INSL3: variants seen among roughly 807,000 people sequenced by gnomAD.
INSL3 encodes the protein insulin-like 3.
In INSL3, 6 loss-of-function variants were observed where a neutral mutation model predicts 5.5. The ratio of observed to expected loss-of-function variants is 1.08; its 90% CI spans 0.59 to 2.14. The LOEUF (loss-of-function observed/expected upper bound fraction) is 2.14, where lower values mean the gene tolerates loss of function less well. Ranked by LOEUF, INSL3 falls within the 30% of genes most tolerant of loss-of-function variation. INSL3 has a pLI of 0.00. For missense variants in INSL3, 178 were observed against 184.7 expected (o/e 0.96, Z 0.21); for synonymous variants, 86 against 82.1 (o/e 1.05, Z -0.26).
At position 17,816,721 on chromosome 19, in the gene INSL3, T is replaced by G; in HGVS notation, c.*133A>C. The G allele has an allele frequency of 2.5e-6, 2 of 807,166 alleles. No individual in the cohort carries two copies. The highest frequency in any genetic ancestry group is 4.1e-6 in the Non-Finnish European group (2 of 486,874). The allele number at this position is 807,166 out of a possible 1,614,324, so 50.0% of individuals were successfully genotyped here. ...GCAGGTGGCATTGGTCTGGGGTAGA[T>G]AGTGAGCACCCATCCCAGGAGGTAA... On this transcript the variant is annotated 3_prime_UTR_variant, in exon 2 of 2. Transcript: ENST00000317306.
At position 17,816,918 on chromosome 19, in the gene INSL3, G is replaced by A. The variant is rs1420292863; in HGVS notation, c.332C>T (p.Pro111Leu). ...GCCACTGAGGCAGCAGTAGCGTGCA[G>A]GGTTGGTGGCAGCTGCACGGTGGTG... ...HRHHRAAATN[P>L]ARYCCLSGCT... is the part of the protein sequence containing the mutation. The change falls in exon 2 of 2, where the codon CCT (proline) becomes CTT (leucine). Residue 111 changes from proline (P) to leucine (L), a missense_variant. Pro to Leu is a moderately conservative substitution (Grantham distance 98). Coordinates refer to ENST00000317306, the MANE Select transcript of INSL3 (RefSeq NM_005543.4). 2 of 1,614,024 alleles carry A rather than the reference G, an allele frequency of 1.2e-6. No individual in the cohort carries two copies. Among genetic ancestry groups the A allele is most frequent in the African/African-American group, 2.7e-5 (2 of 74,932 alleles).
At chr19:17,817,521 C>T (rs2094189685) in intron 1 of INSL3, among the ~76,000 whole-genome samples, 1 of 147,256 alleles carries the variant, frequency 6.8e-6, no homozygotes, top group African/African-American at 2.5e-5. Flanking sequence ...TGGCCCGGCT[C>T]AGTGGCTCAC....
In INSL3 at chr19:17,816,613, G is replaced by A; in HGVS notation, c.*241C>T. The A allele has an allele frequency of 1.7e-6, 1 of 578,858 alleles. No homozygotes were observed. Among genetic ancestry groups the A allele is most frequent in the Non-Finnish European group, 3.1e-6 (1 of 322,408 alleles). 35.9% of individuals were successfully genotyped at this position (578,858 alleles called of 1,614,324 possible). A position where few individuals can be genotyped will look rare whatever the true frequency, so the allele number is the denominator to read the frequency against. ...TCCCCTGGAGTGAGGACATTTGGCT[G>A]TCAGTGTCCAGCATCTGTGAAAGCG... On this transcript the variant is annotated 3_prime_UTR_variant, in exon 2 of 2. Transcript: ENST00000317306.
chr19:17,818,151 C>A (rs1330086057), intron 1 of INSL3, among the ~76,000 whole-genome samples: 1 of 152,072 alleles, frequency 6.6e-6, no homozygotes, highest in African/African-American at 2.4e-5. Flanking sequence ...ACACACACAC[C>A]CCTACGAGGA....
rs2094188550 is a variant in INSL3, at chr19:17,816,921, T to C, written c.329A>G (p.Asn110Ser). 2.5e-6 allele frequency: 4 copies of C among 1,613,778 alleles called. No individual in the cohort carries two copies. Among genetic ancestry groups the C allele is most frequent in the Non-Finnish European group, 3.4e-6 (4 of 1,179,982 alleles). Reference sequence around the variant, plus strand: ...ACTGAGGCAGCAGTAGCGTGCAGGGTTGGTGGCAGCTGCACGGTGGTGGCG... The same window carrying C: ...ACTGAGGCAGCAGTAGCGTGCAGGGCTGGTGGCAGCTGCACGGTGGTGGCG... ...HHRHHRAAATNPARYCCLSGC... is the reference protein window; with the variant it reads ...HHRHHRAAATSPARYCCLSGC... The change falls in exon 2 of 2, where the codon AAC (asparagine) becomes AGC (serine). Residue 110 changes from asparagine (N) to serine (S), a missense_variant. Physicochemically the swap from Asn to Ser is conservative, Grantham distance 46 (BLOSUM62 1). Transcript: ENST00000317306.
intron 1 of INSL3, among the ~76,000 whole-genome samples, chr19:17,818,353 C>T (rs938319745): frequency 5.9e-5 from 9 of 152,220 alleles, no homozygotes; most frequent in Admixed American, 6.5e-5. Flanking sequence ...CCGTGGCTCA[C>T]ACCTGTCATC....
At chr19:17,820,486 C>T (rs865983381) in intron 1 of INSL3, 6 of 299,416 alleles carry the variant, frequency 2.0e-5, no homozygotes, top group African/African-American at 4.7e-5. Flanking sequence ...AGTGAGACTC[C>T]CTCTCTACGA....
At chr19:17,817,148 C>T in intron 1 of INSL3, 89 bp from the exon 2 acceptor site, 1 of 1,258,268 alleles carries the variant, frequency 7.9e-7, no homozygotes, top group Non-Finnish European at 1.1e-6. Flanking sequence ...ACACATCCCA[C>T]TGAGTAACCC....
rs1041578829 is a variant in INSL3 at position 17,817,313 on chromosome 19, T to TA, written c.191-255dup. Among the ~76,000 whole-genome samples the TA allele has an allele frequency of 6.9e-3, 905 of 132,090 alleles. 13 individuals carry two copies. Among genetic ancestry groups the TA allele is most frequent in the African/African-American group, 0.02 (703 of 35,556 alleles). 86.7% of individuals were successfully genotyped at this position (132,090 alleles called of 152,430 possible). A position where few individuals can be genotyped will look rare whatever the true frequency, so the allele number is the denominator to read the frequency against. On this transcript the variant is annotated intron_variant, in intron 1 of 1. Transcript: ENST00000317306. ...TAACACAGTGAAACCCCTTCTCTAC[T>TA]AAAAAAAAAAACAACCAAAAAATTA...
chr19:17,819,293 C>T (rs2094192182), intron 1 of INSL3, among the ~76,000 whole-genome samples: 1 of 151,432 alleles, frequency 6.6e-6, no homozygotes, highest in Non-Finnish European at 1.5e-5. Context: ...AGACAAGGGT[C>T]TCTGTCTCAG....
At chr19:17,819,840 TCAAAA>T (rs368680133) in intron 1 of INSL3, among the ~76,000 whole-genome samples, 10 of 149,578 alleles carry the variant, frequency 6.7e-5, no homozygotes, top group Middle Eastern at 3.2e-3. Context: ...AGACTCAATG[TCAAAA>T]CAAAACAAAA....
chr19:17,821,230 C>A, intron 1 of INSL3, 87 bp downstream of exon 1: 1 of 1,452,844 alleles, frequency 6.9e-7, no homozygotes, highest in Non-Finnish European at 9.3e-7. Context: ...CAAACCTGCC[C>A]ACCTCCCTGC....
At chr19:17,818,653 G>T (rs1345598553) in intron 1 of INSL3, among the ~76,000 whole-genome samples, 1 of 151,564 alleles carries the variant, frequency 6.6e-6, no homozygotes, top group Admixed American at 6.6e-5. Flanking sequence ...TTAGAGGGTT[G>T]TTTACCCTCT....
chr19:17,821,497 G>C lies in INSL3; in HGVS notation c.10C>G (p.Arg4Gly). 6.7e-7 allele frequency: 1 copy of C among 1,490,594 alleles called. No individual in the cohort carries two copies. The highest frequency in any genetic ancestry group is 2.3e-5 in the Admixed American group (1 of 44,016). The allele number at this position is 1,490,594 out of a possible 1,614,324, so 92.3% of individuals were successfully genotyped here. ...AGCACCAGCGCCCAGGCGGGCAGAC[G>C]GGGGTCCATGGTGGTGGGTGGCGCC... Reference protein sequence around the residue: MDPRLPAWALVLLG... With the variant: MDPGLPAWALVLLG... The change falls in exon 1 of 2, where the codon CGT becomes GGT. Residue 4 changes from arginine to glycine, a missense_variant. Arg to Gly is a moderately radical substitution (Grantham distance 125). Coordinates refer to ENST00000317306, the MANE Select transcript of INSL3 (RefSeq NM_005543.4).
intron 1 of INSL3, among the ~76,000 whole-genome samples, chr19:17,818,607 C>G (rs1475932604): frequency 6.6e-6 from 1 of 151,510 alleles, no homozygotes; most frequent in South Asian, 2.1e-4. Flanking sequence ...CAGAGCAAGA[C>G]TGTCTCAAAA....
chr19:17,818,309 C>T (rs1002080299), intron 1 of INSL3, among the ~76,000 whole-genome samples: 4 of 151,974 alleles, frequency 2.6e-5, no homozygotes, highest in African/African-American at 4.8e-5. Flanking sequence ...CAGGGAGGCA[C>T]GAAGCCATCA....
In INSL3 at chr19:17,816,726, A is replaced by G. The variant is rs542143177; in HGVS notation, c.*128T>C. On this transcript the variant is annotated 3_prime_UTR_variant, in exon 2 of 2. Transcript: ENST00000317306. ...TGGCATTGGTCTGGGGTAGATAGTG[A>G]GCACCCATCCCAGGAGGTAATCAAA... is the stretch of plus-strand genomic sequence containing the variant. The G allele has an allele frequency of 2.4e-6, 2 of 843,796 alleles. No homozygotes were observed. Among genetic ancestry groups the G allele is most frequent in the South Asian group, 2.9e-5 (2 of 67,928 alleles). 52.3% of individuals were successfully genotyped at this position (843,796 alleles called of 1,614,324 possible).
chr19:17,817,922 A>G (rs1461600202), intron 1 of INSL3, among the ~76,000 whole-genome samples: 1 of 151,356 alleles, frequency 6.6e-6, no homozygotes, highest in Admixed American at 6.6e-5. Flanking sequence ...GGGTCCCCAT[A>G]TGCCACCTGA....
chr19:17,820,388 T>C (rs1274352143), intron 1 of INSL3: 2 of 413,572 alleles, frequency 4.8e-6, no homozygotes, highest in Non-Finnish European at 9.5e-6. Flanking sequence ...CTGGACACAG[T>C]GACTCACATC....
Sources: gnomAD v4.1 joint callset for allele counts (sites outside exome capture counted in the v4.1 genomes callset) on GRCh38, gnomAD v4.1.1 for gene constraint, MANE v1.5 for transcripts, NCBI Gene and HGNC (gene_info 2026-07-23, HGNC 2026-07-21) for gene names.